MBTD1: variants seen among roughly 807,000 people sequenced by gnomAD.
The protein encoded by MBTD1 is mbt domain containing 1.
MBTD1 carries 24 observed loss-of-function variants against 87.8 expected under a neutral mutation model. The observed-to-expected ratio is 0.27, with a 90% CI of 0.20 to 0.38. The LOEUF (loss-of-function observed/expected upper bound fraction) is 0.38. MBTD1 is among the 10% of genes least tolerant of loss of function. The probability of loss-of-function intolerance (pLI) is 1.00; values close to 1 mark genes in which losing one functional copy is unlikely to be tolerated. For synonymous variants in MBTD1, 237 were observed against 248.6 expected, an observed-to-expected ratio of 0.95 and a Z score of 0.44; for missense variants, 436 against 760.2, an observed-to-expected ratio of 0.57 and a Z score of 5.02.
chr17:51,207,416 C>T (rs919164029), intron 6 of MBTD1, among the ~76,000 whole-genome samples: 2 of 152,126 alleles, frequency 1.3e-5, no homozygotes, highest in Non-Finnish European at 2.9e-5. Flanking sequence ...CAATTCCAAT[C>T]AGCAGTGTGG....
chr17:51,179,484 T>TTATATATATA lies in MBTD1; in HGVS notation c.*1082_*1091dup, dbSNP rs56750454. On this transcript the variant is annotated 3_prime_UTR_variant, in exon 17 of 17. Coordinates refer to ENST00000586178, the MANE Select transcript of MBTD1 (RefSeq NM_017643.3). The stretch of plus-strand genomic sequence containing the variant: ...ATCCTGAATACAATTAAAGACAATT[T>TTATATATATA]TATATATATATATATATATATATAT... The TTATATATATA allele has an allele frequency of 8.5e-5, 3 of 35,302 alleles. No homozygotes were observed. Among genetic ancestry groups the TTATATATATA allele is most frequent in the Non-Finnish European group, 1.2e-4 (2 of 17,020 alleles). 2.2% of individuals were successfully genotyped at this position (35,302 alleles called of 1,614,324 possible).
chr17:51,182,147 C>G (rs1259206316), intron 16 of MBTD1, among the ~76,000 whole-genome samples: 1 of 142,048 alleles, frequency 7.0e-6, no homozygotes, highest in Non-Finnish European at 1.5e-5. Context: ...TTTTTTGAGA[C>G]ATAGTCTCAC....
chr17:51,220,512 A>T (rs1182652912), intron 3 of MBTD1, 49 bp from the exon 4 acceptor site: 3 of 1,439,204 alleles, frequency 2.1e-6, no homozygotes, highest in Non-Finnish European at 2.8e-6. Context: ...TAATAAAATC[A>T]ATCTTCATCT....
chr17:51,224,858 C>T (rs547674867), intron 3 of MBTD1, 150 bp downstream of exon 3: 12 of 458,196 alleles, frequency 2.6e-5, no homozygotes, highest in African/African-American at 2.4e-4. Flanking sequence ...AGTTAAACAC[C>T]AACTCAGTGA....
intron 6 of MBTD1, among the ~76,000 whole-genome samples, chr17:51,208,980 G>A (rs982046657): frequency 1.2e-4 from 19 of 152,184 alleles, no homozygotes; most frequent in Non-Finnish European, 4.4e-5. Context: ...TGCCTGTAAG[G>A]TTGTGGTTCT....
intron 2 of MBTD1, 128 bp from the exon 3 acceptor site, chr17:51,225,337 CTTTCTTTTTTT>C: frequency 2.2e-6 from 1 of 461,356 alleles, no homozygotes; most frequent in Non-Finnish European, 3.7e-6. Context: ...TAACCATTTT[CTTTCTTTTTTT>C]TTTCTTTTTT....
intron 6 of MBTD1, among the ~76,000 whole-genome samples, chr17:51,207,762 G>A (rs558523890): frequency 6.6e-6 from 1 of 152,234 alleles, no homozygotes; most frequent in East Asian, 1.9e-4. Flanking sequence ...TGTTCCCAAA[G>A]TATTGTTTCC....
At chr17:51,243,021 C>T (rs9895641) in intron 2 of MBTD1, among the ~76,000 whole-genome samples, 17,933 of 152,146 alleles carry the variant, frequency 0.12, 1,771 homozygotes, top group African/African-American at 0.27. Flanking sequence ...ATTACAAATA[C>T]GCTGCAGCGA....
In MBTD1 at chr17:51,204,454, CAT is replaced by C. The variant is rs1181180010; in HGVS notation, c.605-531_605-530del. 2.8e-5 allele frequency among the ~76,000 whole-genome samples: 4 copies of C among 142,508 alleles called. No individual in the cohort carries two copies. The South Asian group carries it at 6.7e-4, about 24-fold the overall frequency. The allele number at this position is 142,508 out of a possible 152,430, so 93.5% of individuals were successfully genotyped here. On this transcript the variant is annotated intron_variant, in intron 7 of 16. Coordinates refer to ENST00000586178, the MANE Select transcript of MBTD1 (RefSeq NM_017643.3). ...ACATATTTATGTATAAGCATATAAACATATAAAAATACATATTATATATTTAT... is the reference window on the plus strand; with the variant it reads ...ACATATTTATGTATAAGCATATAAACATAAAAATACATATTATATATTTAT...
At chr17:51,196,529 A>T (rs1027781199) in intron 12 of MBTD1, among the ~76,000 whole-genome samples, 2 of 151,922 alleles carry the variant, frequency 1.3e-5, no homozygotes, top group African/African-American at 2.4e-5. Context: ...ATCTTGCCCT[A>T]TTACCACTGG....
At chr17:51,245,558 A>C (rs771869566) in intron 2 of MBTD1, among the ~76,000 whole-genome samples, 10 of 151,908 alleles carry the variant, frequency 6.6e-5, no homozygotes, top group Non-Finnish European at 1.2e-4. Context: ...TATAGCATGA[A>C]GAACAGTTCT....
intron 2 of MBTD1, among the ~76,000 whole-genome samples, chr17:51,228,674 G>A (rs1449836108): frequency 6.6e-6 from 1 of 151,482 alleles, no homozygotes; most frequent in Non-Finnish European, 1.5e-5. Context: ...ACTTTGGGAG[G>A]CTGAGGTCAG....
chr17:51,239,556 T>C lies in MBTD1; in HGVS notation c.-48-14347A>G, dbSNP rs1598411845. Among the ~76,000 whole-genome samples the C allele has an allele frequency of 2.0e-5, 3 of 152,210 alleles. No individual in the cohort carries two copies. In the East Asian group the frequency reaches 5.8e-4, roughly 29 times the overall value. The stretch of plus-strand genomic sequence containing the variant: ...TATATGCTTTAAGCCCTTTTACCTC[T>C]AAATCAGAAGTAGAAGCATAGCTCA... On this transcript the variant is annotated intron_variant, in intron 2 of 16. Coordinates refer to ENST00000586178, the MANE Select transcript of MBTD1 (RefSeq NM_017643.3).
At chr17:51,209,433 G>T (rs985249807) in intron 6 of MBTD1, 2 of 471,050 alleles carry the variant, frequency 4.2e-6, no homozygotes, top group Admixed American at 2.3e-5. Flanking sequence ...CTCCTTCCCT[G>T]CAAGGTAAGC....
intron 2 of MBTD1, among the ~76,000 whole-genome samples, chr17:51,243,290 CTTT>C (rs112156225): frequency 1.4e-5 from 2 of 145,534 alleles, no homozygotes; most frequent in Admixed American, 6.9e-5. Flanking sequence ...TTGTCACTGT[CTTT>C]TTTTTTTTTT....
At chr17:51,216,351 T>C (rs1395747869) in intron 6 of MBTD1, among the ~76,000 whole-genome samples, 1 of 152,236 alleles carries the variant, frequency 6.6e-6, no homozygotes, top group Non-Finnish European at 1.5e-5. Flanking sequence ...ATTAAAGTTG[T>C]AGTCAGGTTA....
chr17:51,195,999 C>T (rs1049673245), intron 12 of MBTD1, among the ~76,000 whole-genome samples: 2 of 152,138 alleles, frequency 1.3e-5, no homozygotes, highest in African/African-American at 4.8e-5. Context: ...CCTTGACCTC[C>T]CCGGCTCAAG....
intron 11 of MBTD1, 86 bp downstream of exon 11, chr17:51,201,936 T>C (rs1349705078): frequency 3.2e-6 from 3 of 930,978 alleles, no homozygotes; most frequent in Non-Finnish European, 5.2e-6. Context: ...ACATATGTAA[T>C]TGTGATTTCC....
At chr17:51,225,472 C>G (rs1268078858) in intron 2 of MBTD1, among the ~76,000 whole-genome samples, 1 of 151,908 alleles carries the variant, frequency 6.6e-6, no homozygotes, top group Non-Finnish European at 1.5e-5. Flanking sequence ...CCACCTTGGC[C>G]TCCTGAGTAG....
Sources: allele counts gnomAD v4.1 joint callset (sites outside exome capture counted in the v4.1 genomes callset), GRCh38; gene constraint gnomAD v4.1.1; transcripts MANE v1.5; gene names NCBI Gene and HGNC (gene_info 2026-07-23, HGNC 2026-07-21).